The following SLIT3 variants were observed in gnomAD, a reference collection of about 807,000 sequenced individuals.
SLIT3 encodes the protein slit guidance ligand 3.
Under a neutral mutation model 184.0 loss-of-function variants are expected in SLIT3, and 68 were observed. The observed-to-expected ratio is 0.37, with a 90% confidence interval of 0.30 to 0.45. The LOEUF (loss-of-function observed/expected upper bound fraction) is 0.45. Among genes scored for constraint, SLIT3 ranks in the 20% least tolerant of loss-of-function variants. SLIT3 has a pLI of 1.00. For synonymous variants in SLIT3, 831 were observed against 828.6 expected (o/e 1.00, Z -0.05); for missense variants, 1,707 against 2,026.0 (o/e 0.84, Z 3.02).
intron 8 of SLIT3, among the ~76,000 whole-genome samples, chr5:168,807,191 C>T (rs1444530693): frequency 2.6e-5 from 4 of 152,078 alleles, no homozygotes; most frequent in Non-Finnish European, 4.4e-5. Context: ...GATTTTGAAG[C>T]CAGCTGTTAA....
intron 23 of SLIT3, chr5:168,718,080 C>T (rs1038937021): frequency 6.6e-6 from 1 of 151,974 alleles, no homozygotes; most frequent in African/African-American, 2.4e-5. Context: ...TGTCAAAGTG[C>T]CAACCCTGGA....
intron 4 of SLIT3, among the ~76,000 whole-genome samples, chr5:168,985,843 G>C (rs896415263): frequency 3.3e-5 from 5 of 151,906 alleles, no homozygotes; most frequent in Admixed American, 3.3e-4. Flanking sequence ...ATGATGGCGG[G>C]GGGTAGGAAG....
At chr5:168,674,297 T>C (rs1042362739) in intron 32 of SLIT3, among the ~76,000 whole-genome samples, 2 of 152,174 alleles carry the variant, frequency 1.3e-5, no homozygotes, top group African/African-American at 4.8e-5. Context: ...GGATTTGAAC[T>C]GAGGTTCAGG....
intron 4 of SLIT3, among the ~76,000 whole-genome samples, chr5:169,002,313 ACT>A (rs1279753842): frequency 8.3e-6 from 1 of 120,826 alleles, no homozygotes; most frequent in East Asian, 2.7e-4. Flanking sequence ...ACAGAACGAG[ACT>A]CTGTCTCAAA....
intron 4 of SLIT3, among the ~76,000 whole-genome samples, chr5:169,093,483 G>A (rs574773714): frequency 6.6e-6 from 1 of 151,908 alleles, no homozygotes; most frequent in Non-Finnish European, 1.5e-5. Context: ...GGGTGGGGGT[G>A]GGAGACAGAA....
intron 16 of SLIT3, among the ~76,000 whole-genome samples, chr5:168,758,520 G>A (rs571858503): frequency 8.5e-5 from 13 of 152,200 alleles, no homozygotes; most frequent in Non-Finnish European, 1.3e-4. Context: ...GTAGGTGATG[G>A]GTGATGTTTG....
intron 4 of SLIT3, among the ~76,000 whole-genome samples, chr5:169,098,485 C>T (rs1759875288): frequency 1.3e-5 from 2 of 152,174 alleles, no homozygotes; most frequent in Non-Finnish European, 2.9e-5. Flanking sequence ...CTGGGATGCA[C>T]AGAGGACTCC....
chr5:168,712,480 T>C (rs1210169967), intron 23 of SLIT3, 126 bp from the exon 24 acceptor site: 3 of 763,054 alleles, frequency 3.9e-6, no homozygotes. Flanking sequence ...CTCCTAGCAG[T>C]AGCTGCTGCC....
intron 4 of SLIT3, among the ~76,000 whole-genome samples, chr5:169,034,662 A>G (rs1314164630): frequency 1.3e-5 from 2 of 152,134 alleles, no homozygotes; most frequent in African/African-American, 2.4e-5. Flanking sequence ...TAAAAGTCAT[A>G]AGGCCCAGCT....
At chr5:168,728,781 G>T (rs1414784512) in intron 20 of SLIT3, among the ~76,000 whole-genome samples, 2 of 151,856 alleles carry the variant, frequency 1.3e-5, no homozygotes, top group African/African-American at 4.8e-5. Context: ...AGCTGGGGAA[G>T]GTAGCATGTG....
Position 168,937,386 on chromosome 5 carries a change from C to CGAAGAGAAGACTGAGTGAGTGA in SLIT3, c.414-54072_414-54051dup, listed in dbSNP as rs1762191872. On this transcript the variant is annotated intron_variant, in intron 4 of 35. Transcript: ENST00000519560. ...TTCACTCTGTGGGAAATGAATTGAA[C>CGAAGAGAAGACTGAGTGAGTGA]GAAGAGAAGACTGAGTGAGTGAGGA... is the stretch of plus-strand genomic sequence containing the variant. 2.0e-5 allele frequency among the ~76,000 whole-genome samples: 3 copies of CGAAGAGAAGACTGAGTGAGTGA among 152,152 alleles called. No individual in the cohort carries two copies. In the South Asian group the frequency reaches 6.2e-4, roughly 32 times the overall value.
chr5:169,275,080 G>A (rs889080844), intron 1 of SLIT3, among the ~76,000 whole-genome samples: 1 of 152,234 alleles, frequency 6.6e-6, no homozygotes, highest in Admixed American at 6.5e-5. Context: ...GCCAACAAAT[G>A]TCAGTGCACT....
At chr5:168,970,007 C>G (rs532379294) in intron 4 of SLIT3, among the ~76,000 whole-genome samples, 2 of 152,258 alleles carry the variant, frequency 1.3e-5, no homozygotes, top group African/African-American at 4.8e-5. Flanking sequence ...CGGTGAAACC[C>G]CTTCTCTACT....
intron 5 of SLIT3, among the ~76,000 whole-genome samples, chr5:168,863,612 G>T (rs971360423): frequency 2.0e-5 from 3 of 152,204 alleles, no homozygotes; most frequent in South Asian, 2.1e-4. Flanking sequence ...CAGAGGCAGT[G>T]CAGGGCATGG....
chr5:168,778,154 C>A (rs1755825282), intron 12 of SLIT3, among the ~76,000 whole-genome samples: 1 of 152,170 alleles, frequency 6.6e-6, no homozygotes, highest in Non-Finnish European at 1.5e-5. Flanking sequence ...GATAATAATG[C>A]AGCATCCTCT....
chr5:169,257,108 A>G (rs1481974488), intron 1 of SLIT3, among the ~76,000 whole-genome samples: 2 of 152,154 alleles, frequency 1.3e-5, no homozygotes, highest in African/African-American at 2.4e-5. Flanking sequence ...GATAGATTAC[A>G]TTTCCTAGCT....
intron 3 of SLIT3, among the ~76,000 whole-genome samples, chr5:169,222,862 C>T (rs1315857459): frequency 6.6e-6 from 1 of 152,122 alleles, no homozygotes; most frequent in Non-Finnish European, 1.5e-5. Context: ...GGTGAAATCT[C>T]CCCAGCCCAC....
At chr5:168,672,277 A>T (rs1252455424) in intron 33 of SLIT3, among the ~76,000 whole-genome samples, 3 of 151,960 alleles carry the variant, frequency 2.0e-5, no homozygotes, top group Admixed American at 6.6e-5. Flanking sequence ...TGGCCTCCCT[A>T]CATCTGAACC....
intron 1 of SLIT3, among the ~76,000 whole-genome samples, chr5:169,298,903 T>A (rs768221911): frequency 9.9e-5 from 15 of 152,186 alleles, no homozygotes; most frequent in Admixed American, 2.0e-4. Context: ...TTATCAAACA[T>A]TAGCTATAAT....
Sources: allele counts gnomAD v4.1 joint callset (sites outside exome capture counted in the v4.1 genomes callset), GRCh38; gene constraint gnomAD v4.1.1; transcripts MANE v1.5; gene names NCBI Gene and HGNC (gene_info 2026-07-23, HGNC 2026-07-21).